The following MYO1D variants were observed in gnomAD, a reference collection of about 807,000 sequenced individuals.
MYO1D encodes myosin ID, also known as unconventional myosin-Id.
In MYO1D, 83 loss-of-function variants were observed where a neutral mutation model predicts 122.0. The observed-to-expected ratio is 0.68, with a 90% CI of 0.57 to 0.82. MYO1D has a LOEUF of 0.82. MYO1D is among the 40% of genes least tolerant of loss of function. The pLI, the probability that MYO1D is intolerant of heterozygous loss-of-function variation, is 0.00. For missense variants in MYO1D, 1,157 were observed against 1,269.5 expected, an observed-to-expected ratio of 0.91 and a Z score of 1.35; for synonymous variants, 464 against 446.9, an observed-to-expected ratio of 1.04 and a Z score of -0.48.
intron 16 of MYO1D, among the ~76,000 whole-genome samples, chr17:32,704,312 G>T (rs1267464966): frequency 6.6e-6 from 1 of 152,132 alleles, no homozygotes; most frequent in Non-Finnish European, 1.5e-5. Flanking sequence ...CTTTTAATGG[G>T]TATAGTATAA....
At chr17:32,706,783 G>A (rs1199415524) in intron 16 of MYO1D, among the ~76,000 whole-genome samples, 2 of 151,952 alleles carry the variant, frequency 1.3e-5, no homozygotes, top group Non-Finnish European at 2.9e-5. Context: ...TGCAAGCTCC[G>A]CCTCCCGGGT....
At chr17:32,547,767 C>T (rs747162127) in intron 21 of MYO1D, among the ~76,000 whole-genome samples, 16 of 151,986 alleles carry the variant, frequency 1.1e-4, no homozygotes, top group Non-Finnish European at 2.4e-4. Context: ...GCCAACATGG[C>T]GAAACCCTGA....
intron 16 of MYO1D, among the ~76,000 whole-genome samples, chr17:32,660,119 CCTT>C (rs2088541910): frequency 1.3e-5 from 2 of 152,162 alleles, no homozygotes; most frequent in South Asian, 2.1e-4. Context: ...CCACTTTACT[CCTT>C]CTTCCACAAT....
chr17:32,611,191 G>A (rs532598050), intron 20 of MYO1D, among the ~76,000 whole-genome samples: 225 of 152,284 alleles, frequency 1.5e-3, no homozygotes, highest in African/African-American at 5.3e-3. Flanking sequence ...AGAGAGCAGA[G>A]CTCACTATAC....
intron 5 of MYO1D, among the ~76,000 whole-genome samples, 190 bp from the exon 6 acceptor site, chr17:32,771,410 G>C (rs980279379): frequency 6.6e-6 from 1 of 152,090 alleles, no homozygotes; most frequent in African/African-American, 2.4e-5. Flanking sequence ...ATCAGTTACA[G>C]AGAATGTTAT....
intron 1 of MYO1D, among the ~76,000 whole-genome samples, chr17:32,813,446 A>T (rs1284676466): frequency 6.6e-6 from 1 of 152,230 alleles, no homozygotes; most frequent in Non-Finnish European, 1.5e-5. Context: ...AGTAACATCT[A>T]AGTTGAAAAC....
rs145424621 is a variant in MYO1D, at chr17:32,872,183, A to G, written c.95+4595T>C. On this transcript the variant is annotated intron_variant, in intron 1 of 21. Coordinates refer to ENST00000318217, the MANE Select transcript of MYO1D (RefSeq NM_015194.3). ...TGGGAGGGAAAGAAGGAGCCCTCACAATACAAGCAGGTTTTGTTATAAAGC... is the reference window on the plus strand; with the variant it reads ...TGGGAGGGAAAGAAGGAGCCCTCACGATACAAGCAGGTTTTGTTATAAAGC... Among the ~76,000 whole-genome samples the G allele has an allele frequency of 9.7e-4, 148 of 152,374 alleles. 2 individuals carry two copies. The highest frequency in any genetic ancestry group is 2.5e-3 in the Admixed American group (39 of 15,302).
chr17:32,633,038 A>G (rs1340410981), intron 20 of MYO1D, among the ~76,000 whole-genome samples: 1 of 139,702 alleles, frequency 7.2e-6, no homozygotes, highest in Non-Finnish European at 1.5e-5. Context: ...CTCATGGCTT[A>G]AAGAGGAACT....
intron 21 of MYO1D, among the ~76,000 whole-genome samples, chr17:32,590,450 T>A (rs2087429450): frequency 6.6e-6 from 1 of 152,198 alleles, no homozygotes; most frequent in Non-Finnish European, 1.5e-5. Context: ...TTACAGTACA[T>A]ACCAGGCAGT....
intron 1 of MYO1D, among the ~76,000 whole-genome samples, chr17:32,841,758 C>T (rs2090884926): frequency 6.7e-6 from 1 of 149,310 alleles, no homozygotes; most frequent in Admixed American, 6.7e-5. Context: ...GAGGATAAGC[C>T]CCCATCTCCT....
rs546882651 is a variant in MYO1D, at chr17:32,611,968, G to T, written c.2710-6727C>A. Among the ~76,000 whole-genome samples, 12 of 152,332 alleles carry T rather than the reference G, an allele frequency of 7.9e-5. No individual in the cohort carries two copies. In the South Asian group the frequency reaches 2.5e-3, roughly 32 times the overall value. Reference sequence around the variant, plus strand: ...TAACAGTAATCATTAAGATGAAAAAGGATGTGTAAGGTTCTAACCAGTAGT... The same window carrying T: ...TAACAGTAATCATTAAGATGAAAAATGATGTGTAAGGTTCTAACCAGTAGT... On this transcript the variant is annotated intron_variant, in intron 20 of 21. Transcript: ENST00000318217.
chr17:32,535,455 A>G (rs895744677), intron 21 of MYO1D, among the ~76,000 whole-genome samples: 26 of 152,196 alleles, frequency 1.7e-4, no homozygotes, highest in African/African-American at 5.3e-4. Context: ...GAAACAATAC[A>G]TTGTACTTGT....
chr17:32,802,450 G>A (rs963615520), intron 1 of MYO1D, among the ~76,000 whole-genome samples: 13 of 152,182 alleles, frequency 8.5e-5, no homozygotes, highest in Non-Finnish European at 1.8e-4. Context: ...GTAAAACATG[G>A]TATCAATTAA....
In MYO1D at chr17:32,824,170, A is replaced by C. The variant is rs1036987935; in HGVS notation, c.96-43386T>G. Among the ~76,000 whole-genome samples, 5 of 152,158 alleles carry C rather than the reference A, an allele frequency of 3.3e-5. 1 individual carries two copies. Among genetic ancestry groups the C allele is most frequent in the Non-Finnish European group, 5.9e-5 (4 of 68,022 alleles). ...TCATGTCAATAAATTGTCATATAAA[A>C]CCATTAAAAGCAAGACTCTCAGAAT... is the stretch of plus-strand genomic sequence containing the variant. On this transcript the variant is annotated intron_variant, in intron 1 of 21. Coordinates refer to ENST00000318217, the MANE Select transcript of MYO1D (RefSeq NM_015194.3).
intron 13 of MYO1D, among the ~76,000 whole-genome samples, chr17:32,743,938 C>T (rs191468728): frequency 4.6e-5 from 7 of 152,220 alleles, no homozygotes; most frequent in Non-Finnish European, 4.4e-5. Context: ...TTATTAAAAT[C>T]GCCTCCTTTA....
At chr17:32,745,622 A>T in intron 12 of MYO1D, 1 of 202,256 alleles carries the variant, frequency 4.9e-6, no homozygotes, top group Non-Finnish European at 9.8e-6. Context: ...TCTCATCCGT[A>T]GGGAGGTCAA....
At chr17:32,660,230 G>A (rs1316366630) in intron 16 of MYO1D, among the ~76,000 whole-genome samples, 1 of 151,996 alleles carries the variant, frequency 6.6e-6, no homozygotes, top group Non-Finnish European at 1.5e-5. Context: ...TGTACACATC[G>A]CCATCATGCC....
At chr17:32,762,548 T>A (rs964237880) in intron 8 of MYO1D, among the ~76,000 whole-genome samples, 1 of 152,126 alleles carries the variant, frequency 6.6e-6, no homozygotes, top group African/African-American at 2.4e-5. Context: ...CCCCATAACA[T>A]TCTCCATACT....
intron 1 of MYO1D, among the ~76,000 whole-genome samples, chr17:32,790,286 C>T (rs2151035574): frequency 6.6e-6 from 1 of 152,352 alleles, no homozygotes; most frequent in South Asian, 2.1e-4. Flanking sequence ...TCAAGCCAAT[C>T]TGACACACAG....
Sources: gnomAD v4.1 joint callset for allele counts (sites outside exome capture counted in the v4.1 genomes callset) on GRCh38, gnomAD v4.1.1 for gene constraint, MANE v1.5 for transcripts, NCBI Gene and HGNC (gene_info 2026-07-23, HGNC 2026-07-21) for gene names.